Variants in ACLY observed in about 807,000 individuals in gnomAD.
ACLY encodes ATP citrate lyase.
In ACLY, 41 loss-of-function variants were observed where a neutral mutation model predicts 133.0. The ratio of observed to expected loss-of-function variants is 0.31; its 90% confidence interval spans 0.24 to 0.40. The LOEUF (loss-of-function observed/expected upper bound fraction) is 0.40. Among genes scored for constraint, ACLY ranks in the 10% least tolerant of loss-of-function variants. The pLI is 1.00. For synonymous variants in ACLY, 495 were observed against 549.3 expected (o/e 0.90, Z 1.38); for missense variants, 1,046 against 1,453.8 (o/e 0.72, Z 4.56).
intron 22 of ACLY, among the ~76,000 whole-genome samples, chr17:41,876,543 A>G (rs2048764487): frequency 6.6e-6 from 1 of 152,198 alleles, no homozygotes; most frequent in African/African-American, 2.4e-5. Context: ...TAGACATGGG[A>G]GACTTTTCAT....
chr17:41,892,504 G>T, intron 15 of ACLY, 57 bp from the exon 16 acceptor site: 1 of 1,500,748 alleles, frequency 6.7e-7, no homozygotes, highest in South Asian at 1.2e-5. Context: ...ACTGGGGAAG[G>T]GGAAGCTGAG....
At chr17:41,924,770 T>C (rs1351646292) in intron 1 of ACLY, among the ~76,000 whole-genome samples, 2 of 152,130 alleles carry the variant, frequency 1.3e-5, no homozygotes, top group African/African-American at 4.8e-5. Flanking sequence ...CAGTTATCTC[T>C]CTGGGGATGC....
intron 3 of ACLY, among the ~76,000 whole-genome samples, chr17:41,911,706 C>G (rs1418987079): frequency 6.6e-6 from 1 of 152,084 alleles, no homozygotes; most frequent in Non-Finnish European, 1.5e-5. Flanking sequence ...GTCCCGGATA[C>G]TCAGGAAGCT....
In ACLY at chr17:41,868,700, T is replaced by A; in HGVS notation, c.3211+9A>T. On this transcript the variant is annotated intron_variant, in intron 28 of 28. Coordinates refer to ENST00000352035, the MANE Select transcript of ACLY (RefSeq NM_001096.3). ...AAAAAACACTTAAAACAACAACGAA[T>A]GGACTCACCAATGAACCCCATACTC... 6.2e-7 allele frequency: 1 copy of A among 1,611,258 alleles called. No individual in the cohort carries two copies. The highest frequency in any genetic ancestry group is 8.5e-7 in the Non-Finnish European group (1 of 1,178,948).
chr17:41,892,689 T>C (rs79204143), intron 15 of ACLY, among the ~76,000 whole-genome samples: 2 of 151,908 alleles, frequency 1.3e-5, no homozygotes, highest in East Asian at 1.9e-4. Context: ...CTTTTTTTTT[T>C]CTTTTGAGAC....
At chr17:41,927,890 A>G (rs1222497659) in intron 1 of ACLY, among the ~76,000 whole-genome samples, 1 of 151,940 alleles carries the variant, frequency 6.6e-6, no homozygotes, top group African/African-American at 2.4e-5. Flanking sequence ...TAAGCCTGGC[A>G]CTTTGAGAGG....
intron 10 of ACLY, chr17:41,904,497 G>C: frequency 1.9e-6 from 1 of 540,080 alleles, no homozygotes; most frequent in Admixed American, 3.1e-5. Flanking sequence ...CTTCAGGTGG[G>C]AGAGTTATAG....
intron 1 of ACLY, among the ~76,000 whole-genome samples, chr17:41,927,237 C>A (rs1555636075): frequency 6.6e-6 from 1 of 152,190 alleles, no homozygotes; most frequent in Non-Finnish European, 1.5e-5. Context: ...TGAACATATT[C>A]CTCACCTCCA....
intron 19 of ACLY, 21 bp from the exon 20 acceptor site, chr17:41,883,253 A>C: frequency 6.2e-7 from 1 of 1,607,486 alleles, no homozygotes. Flanking sequence ...ATGGGGAATG[A>C]GAAAAAGCCA....
At chr17:41,921,815 A>G (rs1567920796), upstream of ACLY, among the ~76,000 whole-genome samples, 1 of 152,216 alleles carries the variant, frequency 6.6e-6, no homozygotes, top group Admixed American at 6.5e-5. Flanking sequence ...AAAAAAAAAA[A>G]TTAGCTAGGC....
intron 10 of ACLY, among the ~76,000 whole-genome samples, chr17:41,902,707 A>G (rs1252566106): frequency 6.6e-6 from 1 of 152,252 alleles, no homozygotes; most frequent in African/African-American, 2.4e-5. Context: ...ACCAAGGGTC[A>G]GTACAGGGCA....
At chr17:41,930,417 T>C (rs2050306031) in exon 1 of ACLY, 2 of 297,776 alleles carry the variant, frequency 6.7e-6, no homozygotes, top group African/African-American at 2.2e-5. Context: ...TTTTCTTGGC[T>C]GTCTTACAAG....
chr17:41,896,418 G>A, intron 14 of ACLY, among the ~76,000 whole-genome samples: 1 of 152,182 alleles, frequency 6.6e-6, no homozygotes, highest in East Asian at 1.9e-4. Flanking sequence ...AGAGGACTGA[G>A]TGGGGCGCGT....
At chr17:41,886,378 C>T (rs2049048085) in intron 17 of ACLY, 70 bp from the exon 18 acceptor site, 2 of 1,458,646 alleles carry the variant, frequency 1.4e-6, no homozygotes, top group Non-Finnish European at 1.9e-6. Flanking sequence ...TCACAAAGCC[C>T]CTGCATTACT....
chr17:41,872,263 T>A, intron 23 of ACLY, 81 bp from the exon 24 acceptor site: 1 of 1,416,696 alleles, frequency 7.1e-7, no homozygotes, highest in Non-Finnish European at 9.7e-7. Flanking sequence ...AACAAGTCAT[T>A]CAAATCCAAG....
intron 23 of ACLY, among the ~76,000 whole-genome samples, chr17:41,873,135 G>A (rs916491117): frequency 2.6e-5 from 4 of 151,754 alleles, no homozygotes; most frequent in African/African-American, 7.3e-5. Context: ...TAACATTCAA[G>A]CTGATGGGAG....
intron 22 of ACLY, 146 bp downstream of exon 22, chr17:41,877,957 C>T (rs1463184566): frequency 2.2e-5 from 9 of 401,528 alleles, no homozygotes; most frequent in Middle Eastern, 5.7e-4. Context: ...ATATATATAT[C>T]CTATTAGTTC....
At position 41,910,624 on chromosome 17, in the gene ACLY, A is replaced by G. The variant is rs562218981; in HGVS notation, c.283-340T>C. On this transcript the variant is annotated intron_variant, in intron 3 of 28. Coordinates refer to ENST00000352035, the MANE Select transcript of ACLY (RefSeq NM_001096.3). ...TGACGGGGAGGGGAAACCGGGTAGA[A>G]GGGAGGTAACCATTCTGCTTCATGA... 3.9e-5 allele frequency among the ~76,000 whole-genome samples: 6 copies of G among 152,324 alleles called. No individual in the cohort carries two copies. The East Asian group carries it at 9.7e-4, about 25-fold the overall frequency.
chr17:41,887,759 A>T, intron 16 of ACLY, 56 bp from the exon 17 acceptor site: 1 of 1,474,442 alleles, frequency 6.8e-7, no homozygotes, highest in Non-Finnish European at 9.5e-7. Flanking sequence ...AAGGGCAACA[A>T]GACAGCACCG....
Sources: gnomAD v4.1 joint callset for allele counts (sites outside exome capture counted in the v4.1 genomes callset) on GRCh38, gnomAD v4.1.1 for gene constraint, MANE v1.5 for transcripts, NCBI Gene and HGNC (gene_info 2026-07-23, HGNC 2026-07-21) for gene names.